ATRX: variants seen among roughly 807,000 people sequenced by gnomAD.
ATRX encodes ATRX chromatin remodeler.
Under a neutral mutation model 172.6 loss-of-function variants are expected in ATRX, and 12 were observed. The ratio of observed to expected loss-of-function variants is 0.07; its 90% CI spans 0.04 to 0.11. ATRX has a LOEUF of 0.11. Ranked by LOEUF, ATRX falls within the 10% of genes least tolerant of loss-of-function variation. The pLI is 1.00. For synonymous variants in ATRX, 674 were observed against 594.7 expected (o/e 1.13, Z -1.94); for missense variants, 1,368 against 1,767.4 (o/e 0.77, Z 4.05).
intron 15 of ATRX, among the ~76,000 whole-genome samples, chrX:77,642,288 T>C (rs1243004497): frequency 8.1e-5 from 9 of 111,407 alleles, no homozygotes; most frequent in African/African-American, 2.3e-4. Flanking sequence ...AAAATAAAAA[T>C]CTTCAATTTC....
At chrX:77,643,002 T>C (rs1054581592) in intron 15 of ATRX, among the ~76,000 whole-genome samples, 1 of 111,281 alleles carries the variant, frequency 9.0e-6, no homozygotes, top group East Asian at 2.8e-4. Flanking sequence ...TTCAATACAA[T>C]AGGAACGTTT....
chrX:77,551,003 A>G (rs1415821070), intron 30 of ATRX, among the ~76,000 whole-genome samples: 5 of 111,774 alleles, frequency 4.5e-5, no homozygotes, highest in African/African-American at 9.8e-5. Flanking sequence ...ATGCTCATGG[A>G]TAGGAAGAAT....
At chrX:77,546,952 G>A (rs781816963) in intron 30 of ATRX, among the ~76,000 whole-genome samples, 1 of 111,888 alleles carries the variant, frequency 8.9e-6, no homozygotes, top group African/African-American at 3.2e-5. Flanking sequence ...TACTTGCTAT[G>A]TGCTATATTA....
chrX:77,633,389 T>C lies in ATRX; in HGVS notation c.4957-5A>G, dbSNP rs2068197953. On this transcript the variant is annotated splice_polypyrimidine_tract_variant and splice_region_variant and intron_variant, in intron 18 of 34. Coordinates refer to ENST00000373344, the MANE Select transcript of ATRX (RefSeq NM_000489.6). ...CACAGTTGCTAATTCAGAAACCTTT[T>C]GTGGGGAAATAAAGATTTTTTTAAG... 7.5e-6 allele frequency: 9 copies of C among 1,204,600 alleles called. No individual in the cohort carries two copies. The highest frequency in any genetic ancestry group is 1.0e-5 in the Non-Finnish European group (9 of 892,272).
rs186464434 is a variant in ATRX, at chrX:77,551,676, T to C, written c.6699+5775A>G. Among the ~76,000 whole-genome samples the C allele has an allele frequency of 2.3e-3, 262 of 111,827 alleles. 1 individual carries two copies. Among genetic ancestry groups the C allele is most frequent in the African/African-American group, 6.9e-3 (211 of 30,788 alleles). Reference sequence around the variant, plus strand: ...CAAAAGAAACTACCATCAGAGTGAATGGGCAACCTATAGAATGGGAGAAAA... The same window carrying C: ...CAAAAGAAACTACCATCAGAGTGAACGGGCAACCTATAGAATGGGAGAAAA... On this transcript the variant is annotated intron_variant, in intron 30 of 34. Transcript: ENST00000373344.
At chrX:77,649,644 A>G (rs1365543745) in intron 15 of ATRX, among the ~76,000 whole-genome samples, 2 of 111,559 alleles carry the variant, frequency 1.8e-5, no homozygotes, top group Non-Finnish European at 3.8e-5. Flanking sequence ...TCACGGGGGC[A>G]GGTCTTTCCT....
chrX:77,735,595 A>AAGCTAAAT (rs1384637803), intron 1 of ATRX, among the ~76,000 whole-genome samples: 1 of 43,631 alleles, frequency 2.3e-5, no homozygotes, highest in East Asian at 6.4e-4. Context: ...CCGTCTCAAA[A>AAGCTAAAT]AACTAAATAA....
Position 77,530,609 on chromosome X carries a change from A to AAAAC in ATRX, c.6700-7212_6700-7209dup, listed in dbSNP as rs201863728. On this transcript the variant is annotated intron_variant, in intron 30 of 34. Transcript: ENST00000373344. The stretch of plus-strand genomic sequence containing the variant: ...GGGCAACAGAGTGAGACTCCGTCTC[A>AAAAC]AAACAAACAAACAAACAAACAAACA... Among the ~76,000 whole-genome samples, 56 of 83,627 alleles carry AAAAC rather than the reference A, an allele frequency of 6.7e-4. 1 individual carries two copies. The highest frequency in any genetic ancestry group is 3.0e-3 in the South Asian group (5 of 1,674). 72.6% of individuals were successfully genotyped at this position (83,627 alleles called of 115,157 possible).
At chrX:77,618,614 C>T (rs1557098266) in intron 21 of ATRX, among the ~76,000 whole-genome samples, 192 bp downstream of exon 21, 2 of 111,517 alleles carry the variant, frequency 1.8e-5, no homozygotes, top group African/African-American at 3.3e-5. Context: ...TTAAACTCAG[C>T]GGAACTTCTT....
intron 2 of ATRX, among the ~76,000 whole-genome samples, chrX:77,700,243 A>C (rs1326870910): frequency 1.8e-5 from 2 of 112,323 alleles, no homozygotes; most frequent in African/African-American, 6.5e-5. Flanking sequence ...CACATGAAAA[A>C]ATGCTCAACA....
At chrX:77,652,519 C>T (rs1014569121) in intron 14 of ATRX, among the ~76,000 whole-genome samples, 166 bp from the exon 15 acceptor site, 126 of 107,614 alleles carry the variant, frequency 1.2e-3, no homozygotes, top group African/African-American at 4.0e-3. Flanking sequence ...AACAACTCTT[C>T]GGCCGGGCAC....
chrX:77,635,023 T>C (rs942074701), intron 16 of ATRX, among the ~76,000 whole-genome samples: 1 of 112,040 alleles, frequency 8.9e-6, no homozygotes, highest in Non-Finnish European at 1.9e-5. Context: ...GGCTCACGCC[T>C]GTAATCCAAG....
intron 30 of ATRX, among the ~76,000 whole-genome samples, chrX:77,524,064 A>G (rs782346104): frequency 8.9e-6 from 1 of 111,860 alleles, no homozygotes; most frequent in South Asian, 3.7e-4. Context: ...TTAAAAAATT[A>G]AAAGCTTAAA....
Position 77,704,170 on chromosome X carries a change from C to G in ATRX, c.134-5541G>C, listed in dbSNP as rs1230809753. Reference sequence around the variant, plus strand: ...AGGCCCTAGTATGAGTAGTACCTCTCTGCAGGAAAGTCGACCCATCGTCTC... The same window carrying G: ...AGGCCCTAGTATGAGTAGTACCTCTGTGCAGGAAAGTCGACCCATCGTCTC... On this transcript the variant is annotated intron_variant, in intron 2 of 34. Coordinates refer to ENST00000373344, the MANE Select transcript of ATRX (RefSeq NM_000489.6). Among the ~76,000 whole-genome samples the G allele has an allele frequency of 4.5e-5, 5 of 110,644 alleles. No individual in the cohort carries two copies. In the Admixed American group the frequency reaches 4.8e-4, roughly 11 times the overall value.
intron 34 of ATRX, among the ~76,000 whole-genome samples, chrX:77,512,284 C>T (rs955868550): frequency 1.2e-4 from 14 of 112,025 alleles, no homozygotes; most frequent in Non-Finnish European, 2.1e-4. Flanking sequence ...TAAAGACTTT[C>T]CCACACAAAC....
At chrX:77,580,401 C>T (rs1284833142) in intron 27 of ATRX, among the ~76,000 whole-genome samples, 1 of 111,470 alleles carries the variant, frequency 9.0e-6, no homozygotes, top group Non-Finnish European at 1.9e-5. Context: ...AGAAAGGATC[C>T]TAAAAGCAGC....
intron 30 of ATRX, among the ~76,000 whole-genome samples, chrX:77,554,557 C>G (rs188159344): frequency 1.8e-5 from 2 of 111,787 alleles, no homozygotes; most frequent in Admixed American, 1.9e-4. Context: ...TTCATCAATG[C>G]CAGGCCAATT....
intron 9 of ATRX, among the ~76,000 whole-genome samples, chrX:77,680,097 C>A (rs1489311258): frequency 1.8e-5 from 2 of 112,162 alleles, no homozygotes; most frequent in East Asian, 5.6e-4. Flanking sequence ...TGTTTTGCTG[C>A]AGAAATACTA....
intron 27 of ATRX, chrX:77,575,766 G>A (rs1226376856): frequency 9.0e-6 from 1 of 111,490 alleles, no homozygotes; most frequent in Non-Finnish European, 1.9e-5. Flanking sequence ...GTAAAATGAA[G>A]ATAATCAGAG....
Sources: allele counts gnomAD v4.1 joint callset (sites outside exome capture counted in the v4.1 genomes callset), GRCh38; gene constraint gnomAD v4.1.1; transcripts MANE v1.5; gene names NCBI Gene and HGNC (gene_info 2026-07-23, HGNC 2026-07-21).